The following MBD5 variants were observed in gnomAD, a reference collection of about 807,000 sequenced individuals.
MBD5 encodes the protein methyl-CpG-binding domain protein 5.
A neutral mutation model predicts 117.3 loss-of-function variants in MBD5; 13 were observed. That is an observed-to-expected ratio of 0.11 (90% CI 0.07 to 0.18). The LOEUF (loss-of-function observed/expected upper bound fraction) is 0.18, where lower values mean the gene tolerates loss of function less well. Among genes scored for constraint, MBD5 ranks in the 10% least tolerant of loss-of-function variants. The probability of loss-of-function intolerance (pLI) is 1.00; values close to 1 mark genes in which losing one functional copy is unlikely to be tolerated. For missense variants in MBD5, 1,879 were observed against 2,093.8 expected (o/e 0.90, Z 2.00); for synonymous variants, 727 against 766.4 (o/e 0.95, Z 0.85).
chr2:148,374,862 T>C (rs1336380471), intron 4 of MBD5, among the ~76,000 whole-genome samples: 1 of 152,224 alleles, frequency 6.6e-6, no homozygotes, highest in African/African-American at 2.4e-5. Flanking sequence ...TGACTATACT[T>C]ATATTTTAAA....
intron 8 of MBD5, among the ~76,000 whole-genome samples, chr2:148,477,255 CT>C (rs1680997707): frequency 6.6e-6 from 1 of 152,114 alleles, no homozygotes; most frequent in Admixed American, 6.6e-5. Flanking sequence ...TTCTACTGCT[CT>C]TTTCTCCTCC....
chr2:148,103,208 C>T (rs1046876701), intron 1 of MBD5, among the ~76,000 whole-genome samples: 23 of 152,132 alleles, frequency 1.5e-4, no homozygotes, highest in Non-Finnish European at 3.1e-4. Flanking sequence ...GCTCCAACTA[C>T]GTTGCTACTT....
intron 1 of MBD5, among the ~76,000 whole-genome samples, chr2:148,046,681 G>T (rs1230977322): frequency 6.6e-6 from 1 of 152,076 alleles, no homozygotes; most frequent in African/African-American, 2.4e-5. Context: ...TATGCACATT[G>T]CTGCTAGTTT....
At position 148,489,859 on chromosome 2, in the gene MBD5, G is replaced by C; in HGVS notation, c.4227G>C (p.Val1409=). The change falls in exon 11 of 14, where the codon GTG becomes GTC. Residue 1409 remains valine, a synonymous_variant. Transcript: ENST00000642680. Reference sequence around the variant, plus strand: ...AGAATCTAGACCATGGGAAAAATGTGAACGAAGGAGATGGGTTTGAATATT... The same window carrying C: ...AGAATCTAGACCATGGGAAAAATGTCAACGAAGGAGATGGGTTTGAATATT... The part of the protein sequence containing the change: ...LPKNLDHGKN[V]NEGDGFEYFK... 6.2e-7 allele frequency: 1 copy of C among 1,614,102 alleles called. No individual in the cohort carries two copies. The highest frequency in any genetic ancestry group is 8.5e-7 in the Non-Finnish European group (1 of 1,180,026).
chr2:148,256,138 G>A (rs140663693), intron 3 of MBD5, among the ~76,000 whole-genome samples: 93 of 152,352 alleles, frequency 6.1e-4, no homozygotes, highest in Non-Finnish European at 9.7e-4. Flanking sequence ...TACTTGTTGC[G>A]TAACATTGGA....
chr2:148,373,521 T>C (rs1043967997), intron 4 of MBD5, among the ~76,000 whole-genome samples: 15 of 152,180 alleles, frequency 9.9e-5, no homozygotes, highest in African/African-American at 3.6e-4. Context: ...ATTATCCATC[T>C]GATGATAGAT....
chr2:148,480,631 T>A (rs1232563865), intron 8 of MBD5, among the ~76,000 whole-genome samples: 1 of 152,094 alleles, frequency 6.6e-6, no homozygotes, highest in African/African-American at 2.4e-5. Flanking sequence ...CAAATGGAAA[T>A]AATCCATACT....
At chr2:148,215,488 T>TTTTG (rs968572825) in intron 2 of MBD5, among the ~76,000 whole-genome samples, 2 of 152,080 alleles carry the variant, frequency 1.3e-5, no homozygotes, top group Non-Finnish European at 2.9e-5. Flanking sequence ...TGGACCCTGT[T>TTTTG]TTTGTTTGTT....
intron 4 of MBD5, among the ~76,000 whole-genome samples, chr2:148,431,130 G>A (rs1330421064): frequency 6.6e-6 from 1 of 151,952 alleles, no homozygotes; most frequent in Non-Finnish European, 1.5e-5. Flanking sequence ...AGATTTTTAG[G>A]ATTCCTTTCC....
intron 12 of MBD5, among the ~76,000 whole-genome samples, chr2:148,504,200 A>G (rs1404603656): frequency 1.3e-5 from 2 of 152,248 alleles, no homozygotes; most frequent in Non-Finnish European, 2.9e-5. Flanking sequence ...CCATAAACTT[A>G]AAGTACAGTT....
At chr2:148,404,143 G>A (rs1426560131) in intron 4 of MBD5, among the ~76,000 whole-genome samples, 1 of 133,170 alleles carries the variant, frequency 7.5e-6, no homozygotes, top group Non-Finnish European at 1.6e-5. Flanking sequence ...TTTTTTTCTT[G>A]TTGCATCCTG....
chr2:148,145,133 G>T (rs1001622257), intron 1 of MBD5, among the ~76,000 whole-genome samples: 2 of 125,060 alleles, frequency 1.6e-5, no homozygotes, highest in East Asian at 2.7e-4. Flanking sequence ...TTGAGCAGTT[G>T]TTTGTAGTTC....
intron 4 of MBD5, among the ~76,000 whole-genome samples, chr2:148,353,675 A>G (rs1574324985): frequency 6.6e-6 from 1 of 151,946 alleles, no homozygotes; most frequent in South Asian, 2.1e-4. Context: ...CCGCCTCCCA[A>G]GCTCAAGTGA....
At chr2:148,460,072 TA>T (rs1707020895) in intron 5 of MBD5, 1 of 152,190 alleles carries the variant, frequency 6.6e-6, no homozygotes, top group South Asian at 2.1e-4. Flanking sequence ...TACTTTGTTA[TA>T]AATATAATAT....
At chr2:148,222,757 C>T (rs922355574) in intron 2 of MBD5, among the ~76,000 whole-genome samples, 1 of 151,810 alleles carries the variant, frequency 6.6e-6, no homozygotes, top group Non-Finnish European at 1.5e-5. Context: ...ATTTAGATGC[C>T]CTTTATTTCT....
intron 3 of MBD5, among the ~76,000 whole-genome samples, chr2:148,293,111 C>T (rs138364442): frequency 5.4e-4 from 77 of 141,848 alleles, no homozygotes; most frequent in African/African-American, 1.8e-3. Context: ...CCCAGGAGTT[C>T]GAGACCAGCC....
intron 2 of MBD5, among the ~76,000 whole-genome samples, chr2:148,181,822 T>A (rs1050456720): frequency 2.0e-5 from 3 of 152,162 alleles, no homozygotes; most frequent in Admixed American, 2.0e-4. Context: ...ACATTCAGAT[T>A]TTAAATATCC....
rs1406467148 is a variant in MBD5 at position 148,490,350 on chromosome 2, T to G, written c.4718T>G (p.Phe1573Cys). Residue 1573 changes from phenylalanine (F) to cysteine (C), a missense_variant, in exon 11 of 14, where the codon TTT (phenylalanine) becomes TGT (cysteine). Coordinates refer to ENST00000642680, the MANE Select transcript of MBD5 (RefSeq NM_001378120.1). ...VKDYIHYNGDFNAKSVNGCVP... is the reference protein window; with the variant it reads ...VKDYIHYNGDCNAKSVNGCVP... Reference sequence around the variant, plus strand: ...GACTACATCCATTACAATGGAGACTTTAATGCCAAAAGCGTTAATGGGTGT... The same window carrying G: ...GACTACATCCATTACAATGGAGACTGTAATGCCAAAAGCGTTAATGGGTGT... The G allele has an allele frequency of 6.2e-7, 1 of 1,614,150 alleles. No homozygotes were observed. The highest frequency in any genetic ancestry group is 1.7e-5 in the Admixed American group (1 of 60,016).
chr2:148,260,515 T>C (rs1162837124), intron 3 of MBD5: 2 of 160,068 alleles, frequency 1.2e-5, no homozygotes, highest in Non-Finnish European at 2.8e-5. Context: ...TCCAAATTCT[T>C]GTTAATGTTG....
Sources: gnomAD v4.1 joint callset for allele counts (sites outside exome capture counted in the v4.1 genomes callset) on GRCh38, gnomAD v4.1.1 for gene constraint, MANE v1.5 for transcripts, NCBI Gene and HGNC (gene_info 2026-07-23, HGNC 2026-07-21) for gene names.